Variants in RNF111 observed in about 807,000 individuals in gnomAD.
RNF111 encodes the protein E3 ubiquitin-protein ligase Arkadia.
Under a neutral mutation model 95.1 loss-of-function variants are expected in RNF111, and 17 were observed. The ratio of observed to expected loss-of-function variants is 0.18; its 90% CI spans 0.12 to 0.27. RNF111 has a LOEUF of 0.27. Among genes scored for constraint, RNF111 ranks in the 10% least tolerant of loss-of-function variants. RNF111 has a pLI of 1.00. For missense variants in RNF111, 1,189 were observed against 1,210.4 expected (o/e 0.98, Z 0.26); for synonymous variants, 440 against 414.8 (o/e 1.06, Z -0.74).
chr15:59,053,161 G>T (rs2042062016), intron 3 of RNF111, among the ~76,000 whole-genome samples: 1 of 152,124 alleles, frequency 6.6e-6, no homozygotes, highest in Admixed American at 6.5e-5. Flanking sequence ...CCTTCACTCA[G>T]TAATTTTATC....
At chr15:59,077,886 TG>T (rs1217767408) in intron 7 of RNF111, among the ~76,000 whole-genome samples, 16 of 152,370 alleles carry the variant, frequency 1.1e-4, no homozygotes, top group Middle Eastern at 6.8e-3. Flanking sequence ...AACTCTGTTT[TG>T]GGCTTCTTTT....
chr15:58,992,900 G>A (rs2038881410), intron 1 of RNF111, among the ~76,000 whole-genome samples: 1 of 152,146 alleles, frequency 6.6e-6, no homozygotes, highest in African/African-American at 2.4e-5. Flanking sequence ...ACATGGTGGT[G>A]CACACCTGTA....
chr15:59,045,450 A>G (rs1404544455), intron 2 of RNF111, among the ~76,000 whole-genome samples: 1 of 151,934 alleles, frequency 6.6e-6, no homozygotes, highest in Non-Finnish European at 1.5e-5. Context: ...TAGCCTCCCA[A>G]AGTGCTGGGA....
At chr15:58,992,869 G>A (rs988121532) in intron 1 of RNF111, among the ~76,000 whole-genome samples, 8 of 151,926 alleles carry the variant, frequency 5.3e-5, no homozygotes, top group East Asian at 3.9e-4. Context: ...TTTTGAAAAC[G>A]TTCATTCATG....
rs1243643090 is a variant in RNF111, at chr15:59,084,144, C to T, written c.2313C>T (p.Arg771=). The T allele has an allele frequency of 2.5e-6, 4 of 1,605,686 alleles. No homozygotes were observed. The highest frequency in any genetic ancestry group is 2.6e-6 in the Non-Finnish European group (3 of 1,176,218). ...GTGTTTCCAGGCGGGCACATGAACG[C>T]CCCCCACCCCATCCACATAGGATGC... ...MMQHPTRAHE[R]PPPHPHRMHP... is the part of the protein sequence containing the mutation. The change falls in exon 9 of 14, where the codon CGC becomes CGT. Residue 771 remains arginine, a synonymous_variant. Transcript: ENST00000348370.
intron 6 of RNF111, among the ~76,000 whole-genome samples, chr15:59,071,690 CAA>C (rs1208515921): frequency 2.0e-4 from 24 of 119,524 alleles, no homozygotes; most frequent in Admixed American, 1.6e-4. Context: ...GATCCTGTCG[CAA>C]AAAAAAAAAA....
intron 1 of RNF111, among the ~76,000 whole-genome samples, chr15:59,025,035 G>A (rs950071424): frequency 2.6e-5 from 4 of 152,146 alleles, no homozygotes; most frequent in South Asian, 2.1e-4. Context: ...TTCATTGTAC[G>A]TGTATATCAC....
chr15:59,052,170 TA>T, intron 2 of RNF111, 134 bp from the exon 3 acceptor site: 1 of 763,770 alleles, frequency 1.3e-6, no homozygotes, highest in Non-Finnish European at 2.0e-6. Context: ...TGTATTTTTT[TA>T]AAAAACCTTT....
rs1476893234 is a variant in RNF111, at chr15:59,085,681, G to A, written c.2446G>A (p.Val816Met). The A allele has an allele frequency of 6.2e-7, 1 of 1,613,408 alleles. No individual in the cohort carries two copies. Among genetic ancestry groups the A allele is most frequent in the Non-Finnish European group, 8.5e-7 (1 of 1,179,576 alleles). ...TAGGGAACTGGGAATTGAAGCTGGAGTGACTGCAGCTACTTATACACCTGG... is the reference window on the plus strand; with the variant it reads ...TAGGGAACTGGGAATTGAAGCTGGAATGACTGCAGCTACTTATACACCTGG... Reference protein sequence around the residue: ...SAWELGIEAGVTAATYTPGAL... With the variant: ...SAWELGIEAGMTAATYTPGAL... The change falls in exon 10 of 14, where the codon GTG (valine) becomes ATG (methionine). Residue 816 changes from valine to methionine, a missense_variant. Val to Met is a conservative substitution (Grantham distance 21, BLOSUM62 1). Transcript: ENST00000348370.
At chr15:59,025,138 G>A (rs902932974) in intron 1 of RNF111, among the ~76,000 whole-genome samples, 6 of 152,174 alleles carry the variant, frequency 3.9e-5, no homozygotes, top group Admixed American at 2.0e-4. Context: ...GCCCTCCTCC[G>A]CCTCCCAAAG....
At chr15:59,067,812 C>G (rs1232070574) in intron 6 of RNF111, among the ~76,000 whole-genome samples, 1 of 152,158 alleles carries the variant, frequency 6.6e-6, no homozygotes, top group Non-Finnish European at 1.5e-5. Flanking sequence ...TTACCTCCTA[C>G]TGTAGAGTTC....
intron 1 of RNF111, among the ~76,000 whole-genome samples, chr15:59,014,125 ATTAT>A (rs1302260960): frequency 3.3e-5 from 5 of 152,088 alleles, no homozygotes; most frequent in African/African-American, 1.2e-4. Flanking sequence ...TTAATACTAC[ATTAT>A]TTATTTTGTT....
intron 1 of RNF111, among the ~76,000 whole-genome samples, chr15:59,011,754 C>G (rs1023445199): frequency 6.6e-6 from 1 of 152,040 alleles, no homozygotes; most frequent in Non-Finnish European, 1.5e-5. Context: ...CATTAATTAC[C>G]TCTTTAAATG....
intron 5 of RNF111, among the ~76,000 whole-genome samples, chr15:59,062,781 C>T (rs1448704817): frequency 6.6e-6 from 1 of 152,178 alleles, no homozygotes; most frequent in African/African-American, 2.4e-5. Context: ...GGCAGTCTGG[C>T]GTGGTACCTC....
intron 13 of RNF111, among the ~76,000 whole-genome samples, chr15:59,092,918 C>G (rs2079091986): frequency 6.6e-6 from 1 of 152,142 alleles, no homozygotes; most frequent in Non-Finnish European, 1.5e-5. Flanking sequence ...GAGGATGGCT[C>G]AAGCCCAGGA....
At position 59,054,468 on chromosome 15, in the gene RNF111, C is replaced by T. The variant is rs1411083720; in HGVS notation, c.1008-1214C>T. Among the ~76,000 whole-genome samples, 5 of 152,044 alleles carry T rather than the reference C, an allele frequency of 3.3e-5. 1 individual carries two copies. Among genetic ancestry groups the T allele is most frequent in the Admixed American group, 3.3e-4 (5 of 15,260 alleles). ...AGCTTCCCAGAGATAATAGACTACT[C>T]AGTCTCATCATAGACTCTTGATTTT... On this transcript the variant is annotated intron_variant, in intron 3 of 13. Transcript: ENST00000348370.
intron 2 of RNF111, among the ~76,000 whole-genome samples, chr15:59,051,368 G>A (rs538828685): frequency 1.3e-5 from 2 of 150,756 alleles, no homozygotes; most frequent in East Asian, 3.9e-4. Flanking sequence ...TGAGGCAGGA[G>A]AACAGTGTGA....
At chr15:59,033,861 CAGAAA>C (rs2041036285) in intron 2 of RNF111, among the ~76,000 whole-genome samples, 1 of 151,816 alleles carries the variant, frequency 6.6e-6, no homozygotes, top group Admixed American at 6.6e-5. Context: ...ACATGAGAAA[CAGAAA>C]TCCAAAATGT....
chr15:59,068,348 T>G (rs761036501), intron 6 of RNF111, among the ~76,000 whole-genome samples: 12 of 152,254 alleles, frequency 7.9e-5, no homozygotes, highest in Non-Finnish European at 1.2e-4. Flanking sequence ...GGCTCACGCC[T>G]GTAATTCCAG....
Sources: allele counts gnomAD v4.1 joint callset (sites outside exome capture counted in the v4.1 genomes callset), GRCh38; gene constraint gnomAD v4.1.1; transcripts MANE v1.5; gene names NCBI Gene and HGNC (gene_info 2026-07-23, HGNC 2026-07-21).